The following MSRA variants were observed in gnomAD, a reference collection of about 807,000 sequenced individuals.
MSRA encodes the protein mitochondrial peptide methionine sulfoxide reductase.
In MSRA, 54 loss-of-function variants were observed where a neutral mutation model predicts 31.3. The ratio of observed to expected loss-of-function variants is 1.73; its 90% confidence interval spans 1.39 to 2.17. MSRA has a LOEUF of 2.17. Ranked by LOEUF, MSRA falls within the 30% of genes most tolerant of loss-of-function variation. The pLI is 0.00. For synonymous variants in MSRA, 169 were observed against 116.5 expected (o/e 1.45, Z -2.90); for missense variants, 507 against 300.9 (o/e 1.69, Z -5.07).
At chr8:10,296,238 C>T (rs1585395485) in intron 3 of MSRA, among the ~76,000 whole-genome samples, 1 of 152,130 alleles carries the variant, frequency 6.6e-6, no homozygotes, top group African/African-American at 2.4e-5. Context: ...GAGGCACTTA[C>T]AGAGATAAAA....
chr8:10,283,796 C>T (rs1293896759), intron 3 of MSRA, among the ~76,000 whole-genome samples: 1 of 94,712 alleles, frequency 1.1e-5, no homozygotes, highest in Admixed American at 1.1e-4. Flanking sequence ...GAGTAGTATT[C>T]TATCTCATAT....
intron 1 of MSRA, among the ~76,000 whole-genome samples, chr8:10,140,365 G>C (rs996649667): frequency 6.6e-6 from 1 of 152,208 alleles, no homozygotes; most frequent in African/African-American, 2.4e-5. Flanking sequence ...GAATGCCACA[G>C]TGCCATATTT....
At chr8:10,368,830 C>G (rs942838960) in intron 5 of MSRA, among the ~76,000 whole-genome samples, 2 of 152,176 alleles carry the variant, frequency 1.3e-5, no homozygotes, top group African/African-American at 2.4e-5. Flanking sequence ...TCACTTTTCC[C>G]TTCTGCCTGG....
At chr8:10,227,719 AAGC>A (rs1402942912) in intron 2 of MSRA, among the ~76,000 whole-genome samples, 2 of 152,214 alleles carry the variant, frequency 1.3e-5, no homozygotes, top group African/African-American at 4.8e-5. Flanking sequence ...AATCAAATTA[AAGC>A]AGCATTAGGA....
intron 5 of MSRA, among the ~76,000 whole-genome samples, chr8:10,322,089 C>T (rs1372601900): frequency 6.6e-6 from 1 of 152,156 alleles, no homozygotes; most frequent in African/African-American, 2.4e-5. Flanking sequence ...GGTGGTTACA[C>T]ATGCAGTCTC....
chr8:10,069,397 T>A (rs1484746235), intron 1 of MSRA, among the ~76,000 whole-genome samples: 2 of 152,208 alleles, frequency 1.3e-5, no homozygotes, highest in East Asian at 1.9e-4. Context: ...TCTGGATTTT[T>A]AAAAATAGAT....
intron 3 of MSRA, among the ~76,000 whole-genome samples, chr8:10,276,305 T>C (rs913602613): frequency 2.0e-5 from 3 of 152,228 alleles, no homozygotes; most frequent in African/African-American, 7.2e-5. Context: ...TGGTTAATCA[T>C]ATATAATCCA....
chr8:10,242,974 G>C (rs897561005), intron 2 of MSRA, among the ~76,000 whole-genome samples: 2 of 151,938 alleles, frequency 1.3e-5, no homozygotes, highest in Admixed American at 1.3e-4. Flanking sequence ...CTCCTCATGG[G>C]GTCATTTCTT....
Position 10,054,424 on chromosome 8 carries a change from T to G in MSRA, c.-93T>G. 4.9e-6 allele frequency: 5 copies of G among 1,020,770 alleles called. No homozygotes were observed. The highest frequency in any genetic ancestry group is 6.4e-6 in the Non-Finnish European group (5 of 782,308). The allele number at this position is 1,020,770 out of a possible 1,614,324, so 63.2% of individuals were successfully genotyped here. ...GCCCGCGCCCCTGCCGCCCCCCGGTTCCGGCCGCGGACCCCACTCTCTGCC... is the reference window on the plus strand; with the variant it reads ...GCCCGCGCCCCTGCCGCCCCCCGGTGCCGGCCGCGGACCCCACTCTCTGCC... On this transcript the variant is annotated 5_prime_UTR_variant, in exon 1 of 6. Coordinates refer to ENST00000317173, the MANE Select transcript of MSRA (RefSeq NM_012331.5).
chr8:10,232,546 C>G (rs931152649), intron 2 of MSRA, among the ~76,000 whole-genome samples: 4 of 152,174 alleles, frequency 2.6e-5, no homozygotes, highest in African/African-American at 9.7e-5. Flanking sequence ...CACATTTGAA[C>G]AATCACAATC....
intron 1 of MSRA, among the ~76,000 whole-genome samples, chr8:10,110,253 G>C (rs1800183164): frequency 1.3e-5 from 2 of 152,178 alleles, no homozygotes; most frequent in African/African-American, 4.8e-5. Context: ...TGGATGTTTT[G>C]TTCATATAAC....
chr8:10,070,218 G>A (rs930999470), intron 1 of MSRA, among the ~76,000 whole-genome samples: 1 of 152,190 alleles, frequency 6.6e-6, no homozygotes, highest in African/African-American at 2.4e-5. Context: ...TTTGATCTTT[G>A]CCAGTGCATT....
intron 5 of MSRA, among the ~76,000 whole-genome samples, chr8:10,363,953 C>G (rs1805011117): frequency 6.6e-6 from 1 of 152,038 alleles, no homozygotes; most frequent in South Asian, 2.1e-4. Flanking sequence ...AAACAAAAAA[C>G]AAAAGAAGAA....
intron 5 of MSRA, among the ~76,000 whole-genome samples, chr8:10,356,857 G>A (rs1047270474): frequency 3.4e-5 from 5 of 147,210 alleles, no homozygotes; most frequent in Admixed American, 6.9e-5. Context: ...CAGCGTGCAC[G>A]TTCCTTGCTG....
Position 10,146,895 on chromosome 8 carries a change from G to A in MSRA, c.143-60938G>A, listed in dbSNP as rs1585029016. On this transcript the variant is annotated intron_variant, in intron 1 of 5. Transcript: ENST00000317173. ...GGTTTGCAAAACCTATTTGCAAAAG[G>A]GAGCCATTGGAAGTTTTAAAGTAGG... 2.0e-5 allele frequency among the ~76,000 whole-genome samples: 3 copies of A among 152,134 alleles called. No individual in the cohort carries two copies. In the South Asian group the frequency reaches 6.2e-4, roughly 32 times the overall value.
intron 1 of MSRA, among the ~76,000 whole-genome samples, chr8:10,075,605 G>C (rs1259369787): frequency 1.3e-5 from 2 of 152,188 alleles, no homozygotes; most frequent in Non-Finnish European, 2.9e-5. Flanking sequence ...ATCCTAAAGA[G>C]ATCCACAGTT....
chr8:10,427,566 T>A (rs1809258528), intron 5 of MSRA, among the ~76,000 whole-genome samples: 1 of 152,016 alleles, frequency 6.6e-6, no homozygotes, highest in Non-Finnish European at 1.5e-5. Flanking sequence ...GCCAGCAGGG[T>A]CCTTCTCCCC....
At chr8:10,416,181 C>T (rs557462889) in intron 5 of MSRA, among the ~76,000 whole-genome samples, 11 of 152,288 alleles carry the variant, frequency 7.2e-5, no homozygotes, top group South Asian at 4.1e-4. Flanking sequence ...GAGCACCTCG[C>T]GGGCAGGGCT....
intron 1 of MSRA, among the ~76,000 whole-genome samples, chr8:10,102,857 C>T (rs1238441025): frequency 6.6e-6 from 1 of 152,142 alleles, no homozygotes; most frequent in Non-Finnish European, 1.5e-5. Context: ...ATAGTTGATA[C>T]TGTTATTTTT....
Sources: gnomAD v4.1 joint callset for allele counts (sites outside exome capture counted in the v4.1 genomes callset) on GRCh38, gnomAD v4.1.1 for gene constraint, MANE v1.5 for transcripts, NCBI Gene and HGNC (gene_info 2026-07-23, HGNC 2026-07-21) for gene names.